The following RABEP1 variants were observed in gnomAD, a reference collection of about 807,000 sequenced individuals.
RABEP1 encodes the protein rab GTPase-binding effector protein 1.
In RABEP1, 51 loss-of-function variants were observed where a neutral mutation model predicts 123.4. That is an observed-to-expected ratio of 0.41 (90% CI 0.33 to 0.52). RABEP1 has a LOEUF of 0.52. Ranked by LOEUF, RABEP1 falls within the 20% of genes least tolerant of loss-of-function variation. The pLI is 0.16. For missense variants in RABEP1, 888 were observed against 996.3 expected, an observed-to-expected ratio of 0.89 and a Z score of 1.46; for synonymous variants, 347 against 355.2, an observed-to-expected ratio of 0.98 and a Z score of 0.26.
intron 2 of RABEP1, among the ~76,000 whole-genome samples, chr17:5,321,947 C>T (rs2075358658): frequency 6.6e-6 from 1 of 152,114 alleles, no homozygotes; most frequent in African/African-American, 2.4e-5. Flanking sequence ...GCCTCTAATC[C>T]CAGCACTTTG....
Position 5,383,819 on chromosome 17 carries a change from G to A in RABEP1, c.*596G>A, listed in dbSNP as rs1310830986. On this transcript the variant is annotated 3_prime_UTR_variant, in exon 18 of 18. Transcript: ENST00000537505. ...ACTGAAACTTACCTGAGAACCATAG[G>A]ACTGTGGCAAACAAAACCAATTCAT... 4 of 224,510 alleles carry A rather than the reference G, an allele frequency of 1.8e-5. No homozygotes were observed. The highest frequency in any genetic ancestry group is 3.5e-5 in the Non-Finnish European group (4 of 112,792). 13.9% of individuals were successfully genotyped at this position (224,510 alleles called of 1,614,324 possible). A position where few individuals can be genotyped will look rare whatever the true frequency, so the allele number is the denominator to read the frequency against.
In RABEP1 at chr17:5,310,301, C is replaced by CTTTTTTTTTTTTTT. The variant is rs11432831; in HGVS notation, c.163+1484_163+1497dup. Among the ~76,000 whole-genome samples, 98 of 126,398 alleles carry CTTTTTTTTTTTTTT rather than the reference C, an allele frequency of 7.8e-4. 23 individuals are homozygous for CTTTTTTTTTTTTTT. Among genetic ancestry groups the CTTTTTTTTTTTTTT allele is most frequent in the Non-Finnish European group, 8.3e-4 (52 of 62,338 alleles). 82.9% of individuals were successfully genotyped at this position (126,398 alleles called of 152,430 possible). On this transcript the variant is annotated intron_variant, in intron 2 of 17. Transcript: ENST00000537505. The stretch of plus-strand genomic sequence containing the variant: ...TTACAATTTAAATGAAAGCTTCGTC[C>CTTTTTTTTTTTTTT]TTTTTTTTTTTTTTTTTTGAGATGG...
At chr17:5,350,146 C>T (rs545698377) in intron 6 of RABEP1, among the ~76,000 whole-genome samples, 3 of 152,084 alleles carry the variant, frequency 2.0e-5, no homozygotes, top group East Asian at 1.9e-4. Flanking sequence ...TTTGGGAGGC[C>T]GAGACGGGCG....
In RABEP1 at chr17:5,386,175, C is replaced by T; in HGVS notation, c.*2952C>T. 6.4e-7 allele frequency: 1 copy of T among 1,556,276 alleles called. No individual in the cohort carries two copies. The highest frequency in any genetic ancestry group is 8.8e-7 in the Non-Finnish European group (1 of 1,136,606). On this transcript the variant is annotated 3_prime_UTR_variant, in exon 18 of 18. Transcript: ENST00000537505. Reference sequence around the variant, plus strand: ...ATGGGTTTAAGCCTTCAATGGTGTTCAGTTCAGGTGTGAGTCAGCTCCTGG... The same window carrying T: ...ATGGGTTTAAGCCTTCAATGGTGTTTAGTTCAGGTGTGAGTCAGCTCCTGG...
chr17:5,323,759 AATATAT>A (rs773956696), intron 2 of RABEP1, among the ~76,000 whole-genome samples: 1 of 66,038 alleles, frequency 1.5e-5, no homozygotes, highest in Non-Finnish European at 3.0e-5. Context: ...TATATCTAGG[AATATAT>A]ATATATATCT....
At chr17:5,325,625 CTT>C (rs1457031644) in intron 2 of RABEP1, among the ~76,000 whole-genome samples, 1 of 151,394 alleles carries the variant, frequency 6.6e-6, no homozygotes, top group Non-Finnish European at 1.5e-5. Flanking sequence ...TAGGGTGACT[CTT>C]GTTTACAGTA....
intron 1 of RABEP1, among the ~76,000 whole-genome samples, chr17:5,297,101 C>T (rs1009924503): frequency 1.3e-5 from 2 of 152,022 alleles, no homozygotes; most frequent in African/African-American, 4.8e-5. Flanking sequence ...TTAACTGATA[C>T]TGCAGTCAAT....
intron 5 of RABEP1, among the ~76,000 whole-genome samples, chr17:5,344,736 C>T: frequency 7.3e-6 from 1 of 137,628 alleles, no homozygotes; most frequent in East Asian, 2.2e-4. Flanking sequence ...CGTGCCTCTG[C>T]ACTCCAGCCT....
chr17:5,319,113 C>T lies in RABEP1; in HGVS notation c.163+10291C>T, dbSNP rs559588359. Among the ~76,000 whole-genome samples, 18 of 151,988 alleles carry T rather than the reference C, an allele frequency of 1.2e-4. No individual in the cohort carries two copies. The South Asian group carries it at 3.3e-3, about 28-fold the overall frequency. The stretch of plus-strand genomic sequence containing the variant: ...TTGGGAGGCCGAGGTGGGTGGATCA[C>T]GAGGTCGGGGGTTCCAGACCATCCT... On this transcript the variant is annotated intron_variant, in intron 2 of 17. Coordinates refer to ENST00000537505, the MANE Select transcript of RABEP1 (RefSeq NM_004703.6).
chr17:5,316,832 C>CAAAAAAAAAAAAAAAAAAAAAAAAAA, intron 2 of RABEP1, among the ~76,000 whole-genome samples: 1 of 67,182 alleles, frequency 1.5e-5, no homozygotes, highest in East Asian at 4.8e-4. Context: ...GACTCTGTCT[C>CAAAAAAAAAAAAAAAAAAAAAAAAAA]AAAAAAAAAA....
At chr17:5,358,446 G>C (rs539784786) in intron 8 of RABEP1, among the ~76,000 whole-genome samples, 6 of 152,034 alleles carry the variant, frequency 3.9e-5, no homozygotes, top group African/African-American at 1.4e-4. Context: ...TGAGACAGGC[G>C]GATCATTCGA....
chr17:5,367,284 G>A (rs1910085372), intron 11 of RABEP1, among the ~76,000 whole-genome samples: 1 of 147,948 alleles, frequency 6.8e-6, no homozygotes, highest in Non-Finnish European at 1.5e-5. Flanking sequence ...TGTAGATAAG[G>A]GTAAAACTTT....
intron 1 of RABEP1, among the ~76,000 whole-genome samples, chr17:5,307,546 G>T (rs1383817299): frequency 6.6e-6 from 1 of 152,178 alleles, no homozygotes; most frequent in African/African-American, 2.4e-5. Flanking sequence ...CCCTCTGCTG[G>T]CCTAAGTAGT....
Position 5,383,939 on chromosome 17 carries a change from A to G in RABEP1, c.*716A>G, listed in dbSNP as rs968857879. On this transcript the variant is annotated 3_prime_UTR_variant, in exon 18 of 18. Coordinates refer to ENST00000537505, the MANE Select transcript of RABEP1 (RefSeq NM_004703.6). Reference sequence around the variant, plus strand: ...GAAAAGCACAAGAAACTTTGGAAGCACTTTTTCTGCATACTTAGATGATCT... The same window carrying G: ...GAAAAGCACAAGAAACTTTGGAAGCGCTTTTTCTGCATACTTAGATGATCT... The G allele has an allele frequency of 1.4e-4, 31 of 220,920 alleles. 1 individual carries two copies. In the Admixed American group the frequency reaches 1.6e-3, roughly 12 times the overall value. The allele number at this position is 220,920 out of a possible 1,614,324, so 13.7% of individuals were successfully genotyped here. A position where few individuals can be genotyped will look rare whatever the true frequency, so the allele number is the denominator to read the frequency against.
intron 13 of RABEP1, among the ~76,000 whole-genome samples, chr17:5,374,952 T>C (rs1910866893): frequency 6.6e-6 from 1 of 152,078 alleles, no homozygotes; most frequent in African/African-American, 2.4e-5. Flanking sequence ...TTTTTTTGTA[T>C]TTTTAGTAGA....
At chr17:5,307,578 C>T (rs375019535) in intron 1 of RABEP1, among the ~76,000 whole-genome samples, 1 of 152,072 alleles carries the variant, frequency 6.6e-6, no homozygotes, top group Non-Finnish European at 1.5e-5. Flanking sequence ...TAGTACTAAC[C>T]GATATCCCCT....
intron 5 of RABEP1, among the ~76,000 whole-genome samples, chr17:5,345,984 T>C (rs1340229076): frequency 6.6e-6 from 1 of 152,240 alleles, no homozygotes; most frequent in Non-Finnish European, 1.5e-5. Flanking sequence ...ATAACTTTCC[T>C]ATATTAGACT....
chr17:5,299,487 T>C (rs1032205706), intron 1 of RABEP1, among the ~76,000 whole-genome samples: 13 of 151,740 alleles, frequency 8.6e-5, no homozygotes, highest in African/African-American at 3.1e-4. Context: ...CTTAGTATTA[T>C]GGAAGTTAGT....
chr17:5,300,584 C>A (rs1421758374), intron 1 of RABEP1, among the ~76,000 whole-genome samples: 1 of 152,054 alleles, frequency 6.6e-6, no homozygotes, highest in African/African-American at 2.4e-5. Flanking sequence ...CCCCCATCCC[C>A]GTATGATGTT....
Sources: gnomAD v4.1 joint callset for allele counts (sites outside exome capture counted in the v4.1 genomes callset) on GRCh38, gnomAD v4.1.1 for gene constraint, MANE v1.5 for transcripts, NCBI Gene and HGNC (gene_info 2026-07-23, HGNC 2026-07-21) for gene names.